The following SCEL variants were observed in gnomAD, a reference collection of about 807,000 sequenced individuals.
The protein encoded by SCEL is sciellin.
In SCEL, 113 loss-of-function variants were observed where a neutral mutation model predicts 117.6. The ratio of observed to expected loss-of-function variants is 0.96; its 90% CI spans 0.83 to 1.12. SCEL has a LOEUF of 1.12. Among genes scored for constraint, SCEL ranks in the 50% most tolerant of loss-of-function variants. The pLI, the probability that SCEL is intolerant of heterozygous loss-of-function variation, is 0.00. For synonymous variants in SCEL, 270 were observed against 256.2 expected, an observed-to-expected ratio of 1.05 and a Z score of -0.51; for missense variants, 785 against 810.8, an observed-to-expected ratio of 0.97 and a Z score of 0.39.
chr13:77,569,359 G>A lies in SCEL; in HGVS notation c.399-12G>A, dbSNP rs769896291. 2.5e-6 allele frequency: 4 copies of A among 1,610,434 alleles called. No individual in the cohort carries two copies. Among genetic ancestry groups the A allele is most frequent in the Non-Finnish European group, 3.4e-6 (4 of 1,176,864 alleles). ...GAGAGTGGGATTAATTGTTGTTCTT[G>A]TCATTAAACAGGCAACCTGGCGGTT... On this transcript the variant is annotated splice_polypyrimidine_tract_variant and intron_variant, in intron 7 of 32. Transcript: ENST00000349847.
chr13:77,560,436 C>G (rs2084917505), intron 4 of SCEL, among the ~76,000 whole-genome samples: 1 of 152,082 alleles, frequency 6.6e-6, no homozygotes, highest in African/African-American at 2.4e-5. Context: ...GACCCTGTTT[C>G]TCAAACAAAC....
At chr13:77,539,635 T>C (rs949069969) in intron 1 of SCEL, among the ~76,000 whole-genome samples, 1 of 152,106 alleles carries the variant, frequency 6.6e-6, no homozygotes, top group Non-Finnish European at 1.5e-5. Context: ...CCTCCCGGGT[T>C]CACATCATTC....
At chr13:77,633,252 A>T (rs2090107261) in intron 28 of SCEL, among the ~76,000 whole-genome samples, 1 of 150,244 alleles carries the variant, frequency 6.7e-6, no homozygotes, top group Admixed American at 6.6e-5. Flanking sequence ...CTGGCTAACA[A>T]GGTGAAACCC....
At chr13:77,570,092 G>A (rs1567362268) in intron 8 of SCEL, among the ~76,000 whole-genome samples, 4 of 152,202 alleles carry the variant, frequency 2.6e-5, no homozygotes, top group Non-Finnish European at 5.9e-5. Context: ...TGGAAAACAA[G>A]CATTTACAAA....
chr13:77,627,959 G>A lies in SCEL; in HGVS notation c.1641G>A (p.Leu547=). ...TTTTTTTCCTTAGAGACCAGAACCT[G>A]GAAAATTTAATTGAAGTAAATTCTC... ...ALRNTNRDQN[L]ENLIEVNSHV... The change falls in exon 28 of 33, where the codon CTG becomes CTA. Residue 547 remains leucine (L), a synonymous_variant. Transcript: ENST00000349847. The A allele has an allele frequency of 2.0e-6, 3 of 1,468,900 alleles. No homozygotes were observed. Among genetic ancestry groups the A allele is most frequent in the Non-Finnish European group, 2.8e-6 (3 of 1,073,388 alleles). 91.0% of individuals were successfully genotyped at this position (1,468,900 alleles called of 1,614,324 possible).
At chr13:77,603,577 C>T (rs927164405) in intron 18 of SCEL, among the ~76,000 whole-genome samples, 4 of 152,130 alleles carry the variant, frequency 2.6e-5, no homozygotes, top group Non-Finnish European at 5.9e-5. Context: ...GAGGACCTCC[C>T]ACCACTTTTT....
In SCEL at chr13:77,637,265, T is replaced by C. The variant is rs2329036; in HGVS notation, c.1838+71T>C. 517 of 378,172 alleles carry C rather than the reference T, an allele frequency of 1.4e-3. 3 individuals are homozygous for C. The highest frequency in any genetic ancestry group is 3.0e-3 in the South Asian group (66 of 21,758). The allele number at this position is 378,172 out of a possible 1,614,324, so 23.4% of individuals were successfully genotyped here. On this transcript the variant is annotated intron_variant, in intron 30 of 32. Coordinates refer to ENST00000349847, the MANE Select transcript of SCEL (RefSeq NM_144777.3). ...ACACACACACACATATATATATATATATACACACACACAGGCACACACACA... is the reference window on the plus strand; with the variant it reads ...ACACACACACACATATATATATATACATACACACACACAGGCACACACACA...
chr13:77,627,177 G>T (rs1057048755), intron 27 of SCEL, among the ~76,000 whole-genome samples: 24 of 152,098 alleles, frequency 1.6e-4, no homozygotes, highest in African/African-American at 5.3e-4. Flanking sequence ...AAACATCTAA[G>T]AATTGATTTC....
intron 9 of SCEL, among the ~76,000 whole-genome samples, chr13:77,581,126 CA>C (rs1467674034): frequency 1.3e-5 from 2 of 151,910 alleles, no homozygotes; most frequent in Non-Finnish European, 2.9e-5. Flanking sequence ...TTTATCTCAA[CA>C]AAAAAATATT....
At chr13:77,599,832 G>A in intron 15 of SCEL, 84 bp downstream of exon 15, 1 of 937,478 alleles carries the variant, frequency 1.1e-6, no homozygotes, top group Non-Finnish European at 1.8e-6. Flanking sequence ...CTTAGTACAA[G>A]GGTCAGGCAG....
In SCEL at chr13:77,631,928, C is replaced by G. The variant is rs1356514734; in HGVS notation, c.1692-2451C>G. On this transcript the variant is annotated intron_variant, in intron 28 of 32. Coordinates refer to ENST00000349847, the MANE Select transcript of SCEL (RefSeq NM_144777.3). The stretch of plus-strand genomic sequence containing the variant: ...AGGCTGGAAGGCCAAGAGCAAGGTC[C>G]TATCAGGGTTGGTTTTGGTGAGGCC... Among the ~76,000 whole-genome samples, 3 of 152,328 alleles carry G rather than the reference C, an allele frequency of 2.0e-5. No homozygotes were observed. In the East Asian group the frequency reaches 5.8e-4, roughly 29 times the overall value.
chr13:77,599,921 G>A, intron 15 of SCEL, 173 bp downstream of exon 15: 1 of 580,498 alleles, frequency 1.7e-6, no homozygotes, highest in South Asian at 2.3e-5. Context: ...CATCAATCTG[G>A]GTGACCCTGG....
chr13:77,556,491 T>C (rs1593914841), intron 2 of SCEL, 105 bp from the exon 3 acceptor site: 2 of 898,226 alleles, frequency 2.2e-6, no homozygotes, highest in East Asian at 2.4e-5. Context: ...CCAGCCCAGA[T>C]TGATGCTGGC....
At chr13:77,552,025 C>T (rs982125495) in intron 1 of SCEL, among the ~76,000 whole-genome samples, 3 of 151,738 alleles carry the variant, frequency 2.0e-5, no homozygotes, top group Non-Finnish European at 4.4e-5. Context: ...GACATGAACT[C>T]ATCATTTTTT....
intron 1 of SCEL, among the ~76,000 whole-genome samples, chr13:77,555,459 C>T (rs2084599881): frequency 6.6e-6 from 1 of 152,182 alleles, no homozygotes; most frequent in Non-Finnish European, 1.5e-5. Flanking sequence ...GTGGGTTCAG[C>T]ACAATCTCTC....
chr13:77,608,113 AG>A lies in SCEL; in HGVS notation c.1217+1del, dbSNP rs1389607933. On this transcript the variant is annotated frameshift_variant and splice_region_variant, in exon 20 of 33. Coordinates refer to ENST00000349847, the MANE Select transcript of SCEL (RefSeq NM_144777.3). LOFTEE classifies it high-confidence loss of function. ...VTPEVKRSNQGSKDLNNFIKV... is the reference protein window; with the variant it reads ...VTPEVKRSNQXSKDLNNFIKV... ...CCCCTGAAGTAAAGAGAAGTAACCA[AG>A]GGTGAGGACTATGTCTTACCTCTCT... 1 of 1,610,992 alleles carries A rather than the reference AG, an allele frequency of 6.2e-7. No homozygotes were observed. The highest frequency in any genetic ancestry group is 1.1e-5 in the South Asian group (1 of 90,826).
Position 77,603,563 on chromosome 13 carries a change from G to C in SCEL, c.1097+428G>C, listed in dbSNP as rs142761703. On this transcript the variant is annotated intron_variant, in intron 18 of 32. Coordinates refer to ENST00000349847, the MANE Select transcript of SCEL (RefSeq NM_144777.3). The stretch of plus-strand genomic sequence containing the variant: ...GAGGCTGGGCTGGCACACACAGGGG[G>C]AGTGAGGACCTCCCACCACTTTTTC... 5.7e-3 allele frequency among the ~76,000 whole-genome samples: 871 copies of C among 152,312 alleles called. 9 individuals carry two copies. Among genetic ancestry groups the C allele is most frequent in the African/African-American group, 0.019 (784 of 41,566 alleles).
intron 8 of SCEL, 40 bp downstream of exon 8, chr13:77,569,491 T>C: frequency 6.9e-7 from 1 of 1,453,484 alleles, no homozygotes; most frequent in Non-Finnish European, 9.6e-7. Context: ...GCTGATACAC[T>C]ATGAAAGACT....
chr13:77,563,942 T>G, intron 5 of SCEL, 43 bp downstream of exon 5: 1 of 1,255,108 alleles, frequency 8.0e-7, no homozygotes, highest in Non-Finnish European at 1.1e-6. Flanking sequence ...CATAACATAT[T>G]AAATACATTT....
Sources: allele counts gnomAD v4.1 joint callset (sites outside exome capture counted in the v4.1 genomes callset), GRCh38; gene constraint gnomAD v4.1.1; transcripts MANE v1.5; gene names NCBI Gene and HGNC (gene_info 2026-07-23, HGNC 2026-07-21).